SPOCK3: variants seen among roughly 807,000 people sequenced by gnomAD.
SPOCK3 encodes the protein SPARC (osteonectin), cwcv and kazal like domains proteoglycan 3.
In SPOCK3, 30 loss-of-function variants were observed where a neutral mutation model predicts 56.6. The ratio of observed to expected loss-of-function variants is 0.53; its 90% CI spans 0.40 to 0.72. SPOCK3 has a LOEUF of 0.72. SPOCK3 is among the 30% of genes least tolerant of loss of function. The pLI is 0.00. For synonymous variants in SPOCK3, 196 were observed against 183.3 expected, an observed-to-expected ratio of 1.07 and a Z score of -0.56; for missense variants, 527 against 530.0, an observed-to-expected ratio of 0.99 and a Z score of 0.06.
chr4:167,177,284 C>G (rs1000856403), intron 2 of SPOCK3, among the ~76,000 whole-genome samples: 3 of 151,882 alleles, frequency 2.0e-5, no homozygotes, highest in Non-Finnish European at 4.4e-5. Flanking sequence ...AGAGGGACAA[C>G]TAACAGCACT....
chr4:166,767,706 G>T (rs9684301), intron 7 of SPOCK3, among the ~76,000 whole-genome samples: 50,256 of 151,916 alleles, frequency 0.33, 8,485 homozygotes, highest in Admixed American at 0.42. Flanking sequence ...CTATTAGGTC[G>T]GCTTGGTGCA....
At chr4:167,185,161 T>A (rs954114710) in intron 2 of SPOCK3, among the ~76,000 whole-genome samples, 1 of 152,186 alleles carries the variant, frequency 6.6e-6, no homozygotes. Flanking sequence ...ATCATAACAA[T>A]CTTAGGTTCT....
intron 2 of SPOCK3, among the ~76,000 whole-genome samples, chr4:167,120,330 T>C (rs1407647711): frequency 1.3e-5 from 2 of 152,032 alleles, no homozygotes; most frequent in African/African-American, 4.8e-5. Flanking sequence ...TGGACTAATA[T>C]ATATAAATTA....
chr4:166,961,397 A>C (rs1181457176), intron 4 of SPOCK3, among the ~76,000 whole-genome samples: 2 of 152,248 alleles, frequency 1.3e-5, no homozygotes, highest in African/African-American at 4.8e-5. Context: ...TATTAATTGA[A>C]GAAAACTTCT....
intron 2 of SPOCK3, among the ~76,000 whole-genome samples, chr4:167,200,883 T>C (rs912630975): frequency 1.2e-4 from 18 of 152,066 alleles, no homozygotes; most frequent in African/African-American, 4.1e-4. Flanking sequence ...TGGCATTCTT[T>C]ATAGCAATTC....
chr4:167,108,779 A>G (rs1248206185), intron 2 of SPOCK3, among the ~76,000 whole-genome samples: 1 of 150,636 alleles, frequency 6.6e-6, no homozygotes. Flanking sequence ...AAATAATTTA[A>G]CTACACTTTT....
intron 4 of SPOCK3, among the ~76,000 whole-genome samples, chr4:166,951,407 C>T (rs1158812600): frequency 7.2e-6 from 1 of 139,836 alleles, no homozygotes; most frequent in South Asian, 2.2e-4. Flanking sequence ...CTGAATAGAC[C>T]AATAACAGGA....
intron 2 of SPOCK3, chr4:167,119,789 A>G: frequency 6.5e-7 from 1 of 1,531,364 alleles, no homozygotes; most frequent in Admixed American, 2.0e-5. Flanking sequence ...AACAATTTTC[A>G]TTACCTGACT....
At chr4:167,128,458 C>A (rs1580379795) in intron 2 of SPOCK3, among the ~76,000 whole-genome samples, 1 of 152,218 alleles carries the variant, frequency 6.6e-6, no homozygotes, top group Non-Finnish European at 1.5e-5. Flanking sequence ...TCCTCATCTT[C>A]TTCTCAATAT....
intron 2 of SPOCK3, among the ~76,000 whole-genome samples, chr4:167,072,747 T>C (rs912472019): frequency 1.3e-5 from 2 of 151,872 alleles, no homozygotes; most frequent in Non-Finnish European, 2.9e-5. Flanking sequence ...TATCATATTT[T>C]TAGAAAAAGT....
intron 8 of SPOCK3, among the ~76,000 whole-genome samples, chr4:166,749,643 T>TA (rs900860817): frequency 7.9e-5 from 12 of 151,182 alleles, no homozygotes; most frequent in East Asian, 5.9e-4. Context: ...TGATAAAAAA[T>TA]AAAAAAAAAT....
chr4:166,870,791 C>G (rs1023220981), intron 6 of SPOCK3, among the ~76,000 whole-genome samples: 2 of 152,126 alleles, frequency 1.3e-5, no homozygotes, highest in African/African-American at 4.8e-5. Flanking sequence ...CCACTCAAAT[C>G]TCATCTTGAA....
intron 2 of SPOCK3, among the ~76,000 whole-genome samples, chr4:167,137,799 C>T (rs1763241053): frequency 6.6e-6 from 1 of 151,752 alleles, no homozygotes; most frequent in East Asian, 1.9e-4. Flanking sequence ...ATTTTTCATA[C>T]TGTTACATTT....
intron 6 of SPOCK3, among the ~76,000 whole-genome samples, chr4:166,852,196 T>A (rs890445170): frequency 6.6e-6 from 1 of 152,066 alleles, no homozygotes; most frequent in Non-Finnish European, 1.5e-5. Flanking sequence ...TGCCTAATGC[T>A]AGATGACGAG....
chr4:167,080,150 T>C (rs1757575556), intron 2 of SPOCK3, among the ~76,000 whole-genome samples: 1 of 152,038 alleles, frequency 6.6e-6, no homozygotes, highest in Non-Finnish European at 1.5e-5. Context: ...GATTTTGGCC[T>C]TAGAACTCTA....
intron 4 of SPOCK3, among the ~76,000 whole-genome samples, chr4:166,924,084 T>C (rs1738795204): frequency 6.6e-6 from 1 of 152,170 alleles, no homozygotes; most frequent in African/African-American, 2.4e-5. Flanking sequence ...ACATCCAAGG[T>C]TGACATTAGC....
chr4:166,781,455 A>T (rs985564938), intron 7 of SPOCK3, among the ~76,000 whole-genome samples: 1 of 152,028 alleles, frequency 6.6e-6, no homozygotes, highest in African/African-American at 2.4e-5. Context: ...AAGAGAGAAG[A>T]CAAAGGAGGA....
At chr4:167,012,713 G>C (rs1338652804) in intron 3 of SPOCK3, among the ~76,000 whole-genome samples, 1 of 151,902 alleles carries the variant, frequency 6.6e-6, no homozygotes, top group Non-Finnish European at 1.5e-5. Context: ...AAGCTTATTT[G>C]TGTGCTCTCA....
At chr4:166,843,543 A>T (rs984192888) in intron 6 of SPOCK3, among the ~76,000 whole-genome samples, 1 of 152,208 alleles carries the variant, frequency 6.6e-6, no homozygotes, top group African/African-American at 2.4e-5. Context: ...TGAAAAAATA[A>T]GCCACCATGA....
Sources: allele counts gnomAD v4.1 joint callset (sites outside exome capture counted in the v4.1 genomes callset), GRCh38; gene constraint gnomAD v4.1.1; transcripts MANE v1.5; gene names NCBI Gene and HGNC (gene_info 2026-07-23, HGNC 2026-07-21).